TIAM2: variants seen among roughly 807,000 people sequenced by gnomAD.
The protein encoded by TIAM2 is TIAM Rac1 associated GEF 2, also known as rho guanine nucleotide exchange factor TIAM2.
In TIAM2, 80 loss-of-function variants were observed where a neutral mutation model predicts 152.9. The observed-to-expected ratio is 0.52, with a 90% CI of 0.44 to 0.63. The LOEUF is 0.63. TIAM2 is among the 30% of genes least tolerant of loss of function. TIAM2 has a pLI of 0.00. For synonymous variants in TIAM2, 804 were observed against 838.0 expected, an observed-to-expected ratio of 0.96 and a Z score of 0.70; for missense variants, 1,965 against 2,120.1, an observed-to-expected ratio of 0.93 and a Z score of 1.44.
chr6:155,029,691 A>G lies in TIAM2; in HGVS notation c.-209+34199A>G, dbSNP rs1337097568. Among the ~76,000 whole-genome samples, 10 of 137,598 alleles carry G rather than the reference A, an allele frequency of 7.3e-5. 1 individual carries two copies. The Middle Eastern group carries it at 0.011, about 154-fold the overall frequency. 90.3% of individuals were successfully genotyped at this position (137,598 alleles called of 152,430 possible). On this transcript the variant is annotated intron_variant, in intron 1 of 26. Transcript: ENST00000682666. Reference sequence around the variant, plus strand: ...ACTATATACAGAGTTATATAACTATATATAGAGATATATAACTATATACAG... The same window carrying G: ...ACTATATACAGAGTTATATAACTATGTATAGAGATATATAACTATATACAG...
intron 2 of TIAM2, among the ~76,000 whole-genome samples, chr6:155,114,974 C>G (rs1019249710): frequency 7.2e-5 from 11 of 152,060 alleles, no homozygotes; most frequent in Non-Finnish European, 1.3e-4. Flanking sequence ...ACTACAGGTG[C>G]CCGCCACCAC....
rs190241768 is a variant in TIAM2 at position 155,046,677 on chromosome 6, A to C, written c.-208-43612A>C. Reference sequence around the variant, plus strand: ...AGACAGGGAGAATTGGATCGCAAGGAACCTGCTCACATACTGTTCTGGGGT... The same window carrying C: ...AGACAGGGAGAATTGGATCGCAAGGCACCTGCTCACATACTGTTCTGGGGT... On this transcript the variant is annotated intron_variant, in intron 1 of 26. Transcript: ENST00000682666. Among the ~76,000 whole-genome samples, 235 of 152,128 alleles carry C rather than the reference A, an allele frequency of 1.5e-3. 1 individual carries two copies. The highest frequency in any genetic ancestry group is 2.3e-3 in the Non-Finnish European group (157 of 67,998).
At chr6:155,082,666 C>T (rs117814557) in intron 1 of TIAM2, among the ~76,000 whole-genome samples, 2 of 141,348 alleles carry the variant, frequency 1.4e-5, no homozygotes, top group East Asian at 4.3e-4. Context: ...AAAAAAACCC[C>T]AATAAATAAA....
chr6:155,114,226 G>GTA (rs1232893521), intron 2 of TIAM2, among the ~76,000 whole-genome samples: 1 of 150,288 alleles, frequency 6.7e-6, no homozygotes, highest in Non-Finnish European at 1.5e-5. Context: ...GCTAATATTT[G>GTA]TATTTTTTTG....
At chr6:155,096,535 A>G (rs1303515404) in intron 2 of TIAM2, among the ~76,000 whole-genome samples, 1 of 151,618 alleles carries the variant, frequency 6.6e-6, no homozygotes, top group African/African-American at 2.4e-5. Context: ...GGCAACCACC[A>G]ATCTACTCTC....
At chr6:155,139,352 C>T (rs569414890) in intron 5 of TIAM2, among the ~76,000 whole-genome samples, 5 of 152,290 alleles carry the variant, frequency 3.3e-5, no homozygotes, top group African/African-American at 1.2e-4. Context: ...AGCAGGCCGG[C>T]GGGTGTACAA....
intron 2 of TIAM2, among the ~76,000 whole-genome samples, chr6:155,116,430 T>G (rs6932246): frequency 0.043 from 6,606 of 152,218 alleles, 477 homozygotes; most frequent in African/African-American, 0.15. Flanking sequence ...TGAAGTAGAA[T>G]AGTTACACAT....
chr6:155,129,723 G>C lies in TIAM2; in HGVS notation c.500G>C (p.Gly167Ala). 6.2e-7 allele frequency: 1 copy of C among 1,613,996 alleles called. No homozygotes were observed. Among genetic ancestry groups the C allele is most frequent in the Non-Finnish European group, 8.5e-7 (1 of 1,180,020 alleles). Residue 167 changes from glycine to alanine, a missense_variant, in exon 4 of 27, where the codon GGG (glycine) becomes GCG (alanine). Physicochemically the swap from Gly to Ala is moderately conservative, Grantham distance 60. This residue lies in a region of TIAM2 where 1,025 missense variants were observed against 1,119.4 expected (regional missense o/e 0.92). Transcript: ENST00000682666. The surrounding 1 kb of genome is among the most constrained non-coding windows in gnomAD (Gnocchi z 4.8). The part of the protein sequence containing the change: ...KSPRVLIKTL[G>A]KLDGCLRVEF... The stretch of plus-strand genomic sequence containing the variant: ...CCCCGAGTGCTCATCAAAACGCTGG[G>C]GAAGCTGGATGGGTGTTTAAGGGTC...
Position 155,229,149 on chromosome 6 carries a change from G to A in TIAM2, c.3169-11381G>A, listed in dbSNP as rs578016317. Among the ~76,000 whole-genome samples, 8 of 151,978 alleles carry A rather than the reference G, an allele frequency of 5.3e-5. No individual in the cohort carries two copies. In the East Asian group the frequency reaches 1.6e-3, roughly 29 times the overall value. ...CGTTGTTACTCTTCCCATAGCCCTC[G>A]CCACTTTATTGAGATACTGAGTTTT... On this transcript the variant is annotated intron_variant, in intron 15 of 26. Transcript: ENST00000682666.
chr6:155,009,608 C>T (rs554720398), intron 1 of TIAM2, among the ~76,000 whole-genome samples: 1 of 152,100 alleles, frequency 6.6e-6, no homozygotes, highest in Non-Finnish European at 1.5e-5. Context: ...TTGGTCCAGG[C>T]AGTATTAGTG....
intron 1 of TIAM2, among the ~76,000 whole-genome samples, chr6:155,007,569 C>A (rs1778422668): frequency 6.6e-6 from 1 of 152,028 alleles, no homozygotes; most frequent in Non-Finnish European, 1.5e-5. Context: ...AGCATACTGA[C>A]AGTGAAAACG....
intron 23 of TIAM2, 136 bp downstream of exon 23, chr6:155,252,139 C>T: frequency 1.5e-6 from 1 of 657,410 alleles, no homozygotes; most frequent in Non-Finnish European, 2.7e-6. Context: ...CTAACCCCAT[C>T]ACATACTGAG....
At chr6:155,248,296 C>T in intron 20 of TIAM2, 117 bp downstream of exon 20, 1 of 1,184,408 alleles carries the variant, frequency 8.4e-7, no homozygotes, top group Admixed American at 2.8e-5. Flanking sequence ...TCCTAAGTCA[C>T]TTTTCAGTTC....
chr6:155,140,307 G>A (rs1376225652), intron 5 of TIAM2, among the ~76,000 whole-genome samples: 1 of 152,112 alleles, frequency 6.6e-6, no homozygotes, highest in Non-Finnish European at 1.5e-5. Context: ...GTTCCCTTAA[G>A]GGGTAAACAT....
chr6:155,143,184 A>C (rs1208439294), intron 5 of TIAM2, among the ~76,000 whole-genome samples: 1 of 152,232 alleles, frequency 6.6e-6, no homozygotes, highest in Non-Finnish European at 1.5e-5. Context: ...GAAGTGGTCA[A>C]AAAAGTTTAT....
chr6:155,103,578 G>T (rs1409810684), intron 2 of TIAM2, among the ~76,000 whole-genome samples: 1 of 151,658 alleles, frequency 6.6e-6, no homozygotes, highest in East Asian at 1.9e-4. Context: ...ACAAAAATTA[G>T]CCGGGTGTGG....
rs113553027 is a variant in TIAM2, at chr6:155,075,094, A to G, written c.-208-15195A>G. Among the ~76,000 whole-genome samples, 266 of 152,226 alleles carry G rather than the reference A, an allele frequency of 1.7e-3. 1 individual carries two copies. The highest frequency in any genetic ancestry group is 6.2e-3 in the African/African-American group (257 of 41,550). ...CAGAGGGCAGTGGGCAAGGAATGCA[A>G]TCCTGGCTACTCCAGGTTACTCTCT... On this transcript the variant is annotated intron_variant, in intron 1 of 26. Transcript: ENST00000682666.
chr6:155,245,417 C>A (rs984586806), intron 18 of TIAM2, among the ~76,000 whole-genome samples: 1 of 152,182 alleles, frequency 6.6e-6, no homozygotes, highest in Admixed American at 6.5e-5. Flanking sequence ...TAGGCTCTGC[C>A]GCTGGAAACT....
chr6:155,203,913 T>C (rs1781538532), intron 14 of TIAM2, among the ~76,000 whole-genome samples: 1 of 152,192 alleles, frequency 6.6e-6, no homozygotes, highest in African/African-American at 2.4e-5. Context: ...GAGGTAAAGT[T>C]GAGGTCCTGG....
Sources: gnomAD v4.1 joint callset for allele counts (sites outside exome capture counted in the v4.1 genomes callset) on GRCh38, gnomAD v4.1.1 for gene constraint, gnomAD v4.1.1 regional missense constraint, Gnocchi (gnomAD v3.1) non-coding constraint, MANE v1.5 for transcripts, NCBI Gene and HGNC (gene_info 2026-07-23, HGNC 2026-07-21) for gene names.